The following CHAF1A variants were observed in gnomAD, a reference collection of about 807,000 sequenced individuals.
CHAF1A encodes the protein CAF-1 subunit A.
A neutral mutation model predicts 93.2 loss-of-function variants in CHAF1A; 5 were observed. The observed-to-expected ratio is 0.05, with a 90% CI of 0.03 to 0.11. The LOEUF (loss-of-function observed/expected upper bound fraction) is 0.11, where lower values mean the gene tolerates loss of function less well. CHAF1A is among the 10% of genes least tolerant of loss of function. The pLI is 1.00. For missense variants in CHAF1A, 1,102 were observed against 1,259.9 expected (o/e 0.87, Z 1.90); for synonymous variants, 504 against 510.3 (o/e 0.99, Z 0.17).
At chr19:4,445,797 A>C, downstream of CHAF1A, 5 of 1,166,928 alleles carry the variant, frequency 4.3e-6, no homozygotes, top group Non-Finnish European at 5.9e-6. Context: ...TCCAGGACCT[A>C]AGCCTAAACC....
chr19:4,449,289 ATG>A (rs1420769507), downstream of CHAF1A: 4 of 152,802 alleles, frequency 2.6e-5, no homozygotes, highest in African/African-American at 9.6e-5. Context: ...GCCCAGGGCC[ATG>A]TGTCAGGATT....
At chr19:4,445,714 C>G, downstream of CHAF1A, 1 of 1,544,234 alleles carries the variant, frequency 6.5e-7, no homozygotes, top group South Asian at 1.2e-5. Context: ...CGGGGATGCC[C>G]CGGCCTGGAA....
At chr19:4,446,338 G>GCGCAGCCCCCGCTGCTCCTCCTTCTCC (rs1974518664), downstream of CHAF1A, 1 of 1,571,220 alleles carries the variant, frequency 6.4e-7, no homozygotes, top group Non-Finnish European at 8.6e-7. Flanking sequence ...AGTTGTACTT[G>GCGCAGCCCCCGCTGCTCCTCCTTCTCC]CGCAGCCCCC....
downstream of CHAF1A, chr19:4,448,405 G>A: frequency 6.2e-7 from 1 of 1,606,926 alleles, no homozygotes; most frequent in Non-Finnish European, 8.5e-7. Context: ...CACTGGGTCG[G>A]TGGAGAAGTG....
intron 13 of CHAF1A, among the ~76,000 whole-genome samples, chr19:4,438,226 G>T (rs2145147105): frequency 6.6e-6 from 1 of 152,252 alleles, no homozygotes; most frequent in Admixed American, 6.5e-5. Flanking sequence ...TCCAGTGTCT[G>T]TTGTTCCCCT....
chr19:4,408,619 G>A (rs868766074), intron 2 of CHAF1A, among the ~76,000 whole-genome samples: 4 of 151,118 alleles, frequency 2.6e-5, no homozygotes, highest in South Asian at 4.2e-4. Flanking sequence ...TATTACAGGC[G>A]TGTGCCACCA....
chr19:4,447,526 C>A, downstream of CHAF1A: 1 of 1,612,700 alleles, frequency 6.2e-7, no homozygotes, highest in South Asian at 1.1e-5. Flanking sequence ...AGCCTGGGCC[C>A]CGGGGGCCAG....
At chr19:4,404,942 T>G (rs1302321485) in intron 1 of CHAF1A, among the ~76,000 whole-genome samples, 3 of 152,176 alleles carry the variant, frequency 2.0e-5, no homozygotes, top group Admixed American at 2.0e-4. Flanking sequence ...TGCTTTAAAT[T>G]GTGGTACCTT....
At chr19:4,409,792 G>A in intron 3 of CHAF1A, 33 bp downstream of exon 3, 2 of 1,566,192 alleles carry the variant, frequency 1.3e-6, no homozygotes, top group Non-Finnish European at 1.7e-6. Flanking sequence ...CTGCACATCA[G>A]TGCTCACGGA....
chr19:4,422,894 G>A lies in CHAF1A; in HGVS notation c.1247+99G>A, dbSNP rs1974015881. 6 of 1,153,592 alleles carry A rather than the reference G, an allele frequency of 5.2e-6. No individual in the cohort carries two copies. Among genetic ancestry groups the A allele is most frequent in the South Asian group, 1.5e-5 (1 of 68,818 alleles). 71.5% of individuals were successfully genotyped at this position (1,153,592 alleles called of 1,614,324 possible). A position where few individuals can be genotyped will look rare whatever the true frequency, so the allele number is the denominator to read the frequency against. ...CCTTTCCACTTCACAGGCAGATGGC[G>A]GCTCCCTTCAGTTCCTTCCCATTTC... On this transcript the variant is annotated intron_variant, in intron 5 of 14. Coordinates refer to ENST00000301280, the MANE Select transcript of CHAF1A (RefSeq NM_005483.3). This position sits in a 1 kb window ranked among gnomAD's most constrained non-coding sequence, Gnocchi z 4.6.
intron 7 of CHAF1A, among the ~76,000 whole-genome samples, chr19:4,426,256 C>T (rs1974079186): frequency 6.7e-6 from 1 of 150,254 alleles, no homozygotes; most frequent in Non-Finnish European, 1.5e-5. Context: ...CAAGCTCCAC[C>T]TCCTGGGTTC....
rs1599656470 is a variant in CHAF1A at position 4,430,474 on chromosome 19, G to A, written c.1855-75G>A. 6 of 989,548 alleles carry A rather than the reference G, an allele frequency of 6.1e-6. No homozygotes were observed. In the East Asian group the frequency reaches 7.2e-5, roughly 12 times the overall value. The allele number at this position is 989,548 out of a possible 1,614,324, so 61.3% of individuals were successfully genotyped here. ...ATTAGAGGTGTGAGCCACTGCGCCT[G>A]GCCTACTTTGTTTTTAATAAGGCAC... On this transcript the variant is annotated intron_variant, in intron 10 of 14. Coordinates refer to ENST00000301280, the MANE Select transcript of CHAF1A (RefSeq NM_005483.3).
chr19:4,411,642 A>ACCTTTTTTTTTTTTTTTTTT (rs1973800899), intron 3 of CHAF1A, among the ~76,000 whole-genome samples: 1 of 38,066 alleles, frequency 2.6e-5, no homozygotes, highest in Admixed American at 2.8e-4. Flanking sequence ...AATGGTGCAA[A>ACCTTTTTTTTTTTTTTTTTT]TCTTTTTTTT....
chr19:4,442,356 A>T lies in CHAF1A; in HGVS notation c.2770+15A>T. The T allele has an allele frequency of 6.4e-7, 1 of 1,567,620 alleles. No homozygotes were observed. The highest frequency in any genetic ancestry group is 8.7e-7 in the Non-Finnish European group (1 of 1,152,490). On this transcript the variant is annotated intron_variant, in intron 14 of 14. Transcript: ENST00000301280. The stretch of plus-strand genomic sequence containing the variant: ...GGATGCTGCGGGTGAGAAGGGCTGT[A>T]GATAGCAGAACGCACTGGTGAGGTG...
intron 4 of CHAF1A, among the ~76,000 whole-genome samples, chr19:4,418,459 A>C (rs186107299): frequency 1.1e-4 from 14 of 131,900 alleles, no homozygotes; most frequent in African/African-American, 2.9e-5. Flanking sequence ...TCTGCCACCC[A>C]GGCTGGGGTG....
chr19:4,431,850 T>C, intron 11 of CHAF1A, 102 bp from the exon 12 acceptor site: 1 of 1,474,756 alleles, frequency 6.8e-7, no homozygotes, highest in South Asian at 1.3e-5. Flanking sequence ...CCCCTGTCCT[T>C]TCCTCTTGCT....
At chr19:4,403,861 AT>A (rs1403324060) in intron 1 of CHAF1A, among the ~76,000 whole-genome samples, 4 of 152,164 alleles carry the variant, frequency 2.6e-5, no homozygotes, top group African/African-American at 7.2e-5. Context: ...AACTTTATTT[AT>A]TTATTTATTT....
At position 4,441,515 on chromosome 19, in the gene CHAF1A, C is replaced by T. The variant is rs143849603; in HGVS notation, c.2674-730C>T. Among the ~76,000 whole-genome samples, 296 of 150,650 alleles carry T rather than the reference C, an allele frequency of 2.0e-3. 5 individuals are homozygous for T. In the East Asian group the frequency reaches 0.045, roughly 23 times the overall value. The stretch of plus-strand genomic sequence containing the variant: ...CCCAGCTACTCAGGAGGCTGAAGAA[C>T]GAGAATCGCTTGAACCCGGGTGGCG... On this transcript the variant is annotated intron_variant, in intron 13 of 14. Transcript: ENST00000301280.
chr19:4,435,901 G>T (rs2145140583), intron 13 of CHAF1A, among the ~76,000 whole-genome samples: 1 of 152,302 alleles, frequency 6.6e-6, no homozygotes, highest in South Asian at 2.1e-4. Flanking sequence ...CACTTTGGGA[G>T]GCCAAGGCGG....
Sources: gnomAD v4.1 joint callset for allele counts (sites outside exome capture counted in the v4.1 genomes callset) on GRCh38, gnomAD v4.1.1 for gene constraint, Gnocchi (gnomAD v3.1) non-coding constraint, MANE v1.5 for transcripts, NCBI Gene and HGNC (gene_info 2026-07-23, HGNC 2026-07-21) for gene names.